The following CTNND2 variants were observed in gnomAD, a reference collection of about 807,000 sequenced individuals.
CTNND2 encodes catenin delta-2.
CTNND2 carries 22 observed loss-of-function variants against 144.4 expected under a neutral mutation model. The ratio of observed to expected loss-of-function variants is 0.15; its 90% CI spans 0.11 to 0.22. The LOEUF (loss-of-function observed/expected upper bound fraction) is 0.22, where lower values mean the gene tolerates loss of function less well. Among genes scored for constraint, CTNND2 ranks in the 10% least tolerant of loss-of-function variants. The pLI, the probability that CTNND2 is intolerant of heterozygous loss-of-function variation, is 1.00. For synonymous variants in CTNND2, 751 were observed against 695.6 expected (o/e 1.08, Z -1.25); for missense variants, 1,353 against 1,618.8 (o/e 0.84, Z 2.82).
At chr5:11,613,773 T>C (rs1780448920) in intron 2 of CTNND2, among the ~76,000 whole-genome samples, 1 of 152,172 alleles carries the variant, frequency 6.6e-6, no homozygotes, top group African/African-American at 2.4e-5. Flanking sequence ...AGGATTAGAA[T>C]TAGGCCTTAA....
rs150201383 is a variant in CTNND2 at position 11,643,410 on chromosome 5, G to A, written c.175-78354C>T. ...CTCCCCCCACCCCACAACAGTTCCC[G>A]GTGTGTGGTGTTTCCCTTCCTGTGT... On this transcript the variant is annotated intron_variant, in intron 2 of 21. Transcript: ENST00000304623. Among the ~76,000 whole-genome samples the A allele has an allele frequency of 1.8e-3, 209 of 116,904 alleles. 2 individuals are homozygous for A. Among genetic ancestry groups the A allele is most frequent in the African/African-American group, 6.7e-3 (197 of 29,200 alleles). The allele number at this position is 116,904 out of a possible 152,430, so 76.7% of individuals were successfully genotyped here.
intron 2 of CTNND2, among the ~76,000 whole-genome samples, chr5:11,608,598 T>G (rs1780174051): frequency 6.6e-6 from 1 of 152,118 alleles, no homozygotes; most frequent in African/African-American, 2.4e-5. Context: ...GCCTACAAAA[T>G]ATATGCTGAG....
At chr5:11,498,284 C>T (rs535380626) in intron 3 of CTNND2, among the ~76,000 whole-genome samples, 55 of 152,130 alleles carry the variant, frequency 3.6e-4, no homozygotes, top group African/African-American at 1.0e-3. Flanking sequence ...CAAGCACACA[C>T]ACATATCAAC....
chr5:11,617,643 G>A (rs556869351), intron 2 of CTNND2, among the ~76,000 whole-genome samples: 1 of 152,234 alleles, frequency 6.6e-6, no homozygotes, highest in South Asian at 2.1e-4. Flanking sequence ...TGTCATATTG[G>A]TATATAGAGG....
At chr5:11,575,598 G>T (rs558239341) in intron 2 of CTNND2, among the ~76,000 whole-genome samples, 44 of 152,240 alleles carry the variant, frequency 2.9e-4, no homozygotes, top group African/African-American at 1.0e-3. Context: ...CTTACTCAAT[G>T]CTCTTTGTTG....
At chr5:11,775,355 T>C (rs1440394981) in intron 1 of CTNND2, among the ~76,000 whole-genome samples, 1 of 152,154 alleles carries the variant, frequency 6.6e-6, no homozygotes, top group Admixed American at 6.5e-5. Flanking sequence ...TGAATATCCG[T>C]TTCCTCAAAT....
intron 9 of CTNND2, among the ~76,000 whole-genome samples, chr5:11,240,411 A>AC (rs1561075448): frequency 3.2e-4 from 18 of 56,354 alleles, no homozygotes; most frequent in African/African-American, 1.2e-3. Flanking sequence ...ACACACCCAC[A>AC]ACACACACTG....
chr5:11,358,080 C>T (rs1423492), intron 8 of CTNND2, among the ~76,000 whole-genome samples: 69,695 of 151,894 alleles, frequency 0.46, 16,362 homozygotes, highest in Non-Finnish European at 0.49. Flanking sequence ...AACATTGCTA[C>T]GCTTAATGAT....
chr5:11,811,920 T>C (rs1357920618), intron 1 of CTNND2, among the ~76,000 whole-genome samples: 1 of 152,218 alleles, frequency 6.6e-6, no homozygotes, highest in Non-Finnish European at 1.5e-5. Context: ...TGATGATTTT[T>C]AAAGATTTTT....
intron 15 of CTNND2, among the ~76,000 whole-genome samples, chr5:11,093,151 AAG>A (rs1267295723): frequency 7.9e-5 from 12 of 152,226 alleles, no homozygotes; most frequent in Non-Finnish European, 1.5e-4. Context: ...ATGCTTTGAA[AAG>A]AGTCACACTT....
intron 12 of CTNND2, among the ~76,000 whole-genome samples, chr5:11,157,159 C>T (rs184294240): frequency 6.6e-6 from 1 of 152,286 alleles, no homozygotes; most frequent in East Asian, 1.9e-4. Context: ...GTGGAACTTT[C>T]AGGCCCCTGG....
chr5:11,141,189 A>G (rs1451313868), intron 12 of CTNND2, among the ~76,000 whole-genome samples: 3 of 152,192 alleles, frequency 2.0e-5, no homozygotes, highest in Non-Finnish European at 4.4e-5. Flanking sequence ...CTTGGACTCA[A>G]GCAATCCTTT....
chr5:11,112,658 T>G (rs1306929269), intron 13 of CTNND2, among the ~76,000 whole-genome samples: 1 of 152,200 alleles, frequency 6.6e-6, no homozygotes, highest in Non-Finnish European at 1.5e-5. Context: ...GTAAATGCTC[T>G]TCAAATGTTC....
chr5:11,273,795 C>T (rs568879991), intron 9 of CTNND2, among the ~76,000 whole-genome samples: 33 of 152,166 alleles, frequency 2.2e-4, no homozygotes, highest in African/African-American at 7.7e-4. Context: ...CATGAAGCAG[C>T]GTAGGTTAGC....
chr5:11,592,433 T>G (rs1779303188), intron 2 of CTNND2, among the ~76,000 whole-genome samples: 1 of 152,172 alleles, frequency 6.6e-6, no homozygotes, highest in Non-Finnish European at 1.5e-5. Flanking sequence ...CTGATTTATT[T>G]CCTAGTATTA....
Position 11,346,642 on chromosome 5 carries a change from T to G in CTNND2, c.1373-15A>C, listed in dbSNP as rs754077792. The stretch of plus-strand genomic sequence containing the variant: ...GGAAGATGGGGCTACGACAGGAAAG[T>G]AGGGACAAAGTAAAAAATTGAGGAC... On this transcript the variant is annotated splice_polypyrimidine_tract_variant and intron_variant, in intron 8 of 21. Transcript: ENST00000304623. The G allele has an allele frequency of 1.4e-6, 2 of 1,443,804 alleles. No homozygotes were observed. Among genetic ancestry groups the G allele is most frequent in the African/African-American group, 2.9e-5 (2 of 69,038 alleles). The allele number at this position is 1,443,804 out of a possible 1,614,324, so 89.4% of individuals were successfully genotyped here.
chr5:11,902,776 C>CAAGAA (rs1016847596), intron 1 of CTNND2, among the ~76,000 whole-genome samples: 73 of 152,062 alleles, frequency 4.8e-4, no homozygotes, highest in Non-Finnish European at 6.5e-4. Context: ...ATGAGGCACA[C>CAAGAA]AAGAAAAGAA....
chr5:11,870,418 A>T (rs1735001870), intron 1 of CTNND2, among the ~76,000 whole-genome samples: 1 of 152,218 alleles, frequency 6.6e-6, no homozygotes, highest in African/African-American at 2.4e-5. Context: ...GTAGTTGGTC[A>T]ATCAGTTAAG....
At chr5:11,635,017 A>T (rs1425974598) in intron 2 of CTNND2, among the ~76,000 whole-genome samples, 1 of 152,062 alleles carries the variant, frequency 6.6e-6, no homozygotes, top group African/African-American at 2.4e-5. Context: ...AGAGGTAGGG[A>T]TTATACAGCA....
Sources: gnomAD v4.1 joint callset for allele counts (sites outside exome capture counted in the v4.1 genomes callset) on GRCh38, gnomAD v4.1.1 for gene constraint, MANE v1.5 for transcripts, NCBI Gene and HGNC (gene_info 2026-07-23, HGNC 2026-07-21) for gene names.